ZC3H11A: variants seen among roughly 807,000 people sequenced by gnomAD.
The protein encoded by ZC3H11A is zinc finger CCCH-type containing 11A.
In ZC3H11A, 22 loss-of-function variants were observed where a neutral mutation model predicts 90.8. The ratio of observed to expected loss-of-function variants is 0.24; its 90% confidence interval spans 0.17 to 0.35. The LOEUF is 0.35. Among genes scored for constraint, ZC3H11A ranks in the 10% least tolerant of loss-of-function variants. The pLI, the probability that ZC3H11A is intolerant of heterozygous loss-of-function variation, is 1.00. For synonymous variants in ZC3H11A, 294 were observed against 339.8 expected (o/e 0.87, Z 1.48); for missense variants, 701 against 964.9 (o/e 0.73, Z 3.62).
intron 1 of ZC3H11A, chr1:203,799,400 G>A: frequency 1.4e-6 from 1 of 703,160 alleles, no homozygotes; most frequent in South Asian, 1.5e-5. Flanking sequence ...GTCAGATACT[G>A]CAAGAGTTCC....
At chr1:203,798,263 T>G (rs1295755814) in intron 1 of ZC3H11A, 1 of 1,536,022 alleles carries the variant, frequency 6.5e-7, no homozygotes, top group Non-Finnish European at 8.7e-7. Flanking sequence ...GAGGGAGATT[T>G]CTCATCAAAA....
chr1:203,799,010 T>C, intron 1 of ZC3H11A: 1 of 1,536,186 alleles, frequency 6.5e-7, no homozygotes, highest in African/African-American at 1.4e-5. Context: ...CTGACTATTT[T>C]ATTGTGACTG....
chr1:203,838,642 T>C (rs1222878542), intron 11 of ZC3H11A, among the ~76,000 whole-genome samples: 5 of 152,118 alleles, frequency 3.3e-5, no homozygotes, highest in African/African-American at 1.2e-4. Flanking sequence ...TCTAAGATAG[T>C]AACAACCCAT....
At chr1:203,839,334 GCC>G (rs1414638226) in intron 11 of ZC3H11A, among the ~76,000 whole-genome samples, 23 of 152,288 alleles carry the variant, frequency 1.5e-4, no homozygotes, top group Non-Finnish European at 2.4e-4. Context: ...GCACTATTGC[GCC>G]CCTCAGGGAA....
intron 10 of ZC3H11A, chr1:203,835,679 A>G (rs1462928159): frequency 2.0e-5 from 5 of 245,592 alleles, no homozygotes; most frequent in East Asian, 9.1e-5. Flanking sequence ...CACTGTTTCC[A>G]TGGGCTTGAG....
chr1:203,796,696 G>A, intron 1 of ZC3H11A: 1 of 370,404 alleles, frequency 2.7e-6, no homozygotes. Flanking sequence ...TCTCTATAGC[G>A]TACAACTTGT....
chr1:203,838,533 CA>C (rs1685082423), intron 11 of ZC3H11A, among the ~76,000 whole-genome samples: 1 of 152,168 alleles, frequency 6.6e-6, no homozygotes, highest in South Asian at 2.1e-4. Context: ...GTGGTATGCT[CA>C]AGGAACTGCA....
intron 4 of ZC3H11A, among the ~76,000 whole-genome samples, chr1:203,824,629 CCTT>C (rs1558118086): frequency 6.7e-6 from 1 of 148,560 alleles, no homozygotes; most frequent in African/African-American, 2.5e-5. Context: ...AGCTCTGCCT[CCTT>C]CTGATACTGT....
intron 1 of ZC3H11A, chr1:203,800,163 G>A (rs1243260278): frequency 6.5e-7 from 1 of 1,533,252 alleles, no homozygotes; most frequent in Admixed American, 2.0e-5. Flanking sequence ...GTTCTCAGGA[G>A]GTGATGACCC....
chr1:203,838,716 C>G (rs773846293), intron 11 of ZC3H11A, among the ~76,000 whole-genome samples: 5 of 151,958 alleles, frequency 3.3e-5, no homozygotes, highest in Non-Finnish European at 5.9e-5. Flanking sequence ...TTTGGGAGGC[C>G]GAGGTGGGTG....
At chr1:203,805,644 CA>C (rs765263690) in intron 2 of ZC3H11A, 2 of 700,754 alleles carry the variant, frequency 2.9e-6, no homozygotes, top group Non-Finnish European at 5.3e-6. Context: ...TGTGGCAATC[CA>C]AATTCATCCA....
At chr1:203,846,476 G>A (rs1017596333) in intron 12 of ZC3H11A, among the ~76,000 whole-genome samples, 1 of 152,028 alleles carries the variant, frequency 6.6e-6, no homozygotes, top group Non-Finnish European at 1.5e-5. Flanking sequence ...TTGTAGACAA[G>A]TGTAGGTGTT....
chr1:203,830,968 CAG>C (rs1682136755), intron 8 of ZC3H11A, among the ~76,000 whole-genome samples: 1 of 36,720 alleles, frequency 2.7e-5, no homozygotes, highest in Non-Finnish European at 4.9e-5. Context: ...TTTTTTGAGA[CAG>C]AGTTTTGCTT....
Position 203,829,633 on chromosome 1 carries a change from G to C in ZC3H11A, c.481G>C (p.Asp161His). 1 of 1,614,198 alleles carries C rather than the reference G, an allele frequency of 6.2e-7. No homozygotes were observed. The highest frequency in any genetic ancestry group is 8.5e-7 in the Non-Finnish European group (1 of 1,180,032). The change falls in exon 6 of 18, where the codon GAT (aspartate) becomes CAT (histidine). Residue 161 changes from aspartate to histidine, a missense_variant. Physicochemically the swap from Asp to His is moderately conservative, Grantham distance 81. Around this residue, in one of 4 missense-constraint regions of ZC3H11A, gnomAD observed 530 missense variants for 696.2 expected, o/e 0.76. Transcript: ENST00000367210. ...THPPVVINAA[D>H]DDEDDDDQFS... ...TCCACCAGTTGTAATTAATGCTGCA[G>C]ATGATGATGAAGATGATGATGGTAA...
chr1:203,823,994 C>T (rs1236717716), intron 4 of ZC3H11A, among the ~76,000 whole-genome samples: 2 of 152,078 alleles, frequency 1.3e-5, no homozygotes, highest in Non-Finnish European at 2.9e-5. Context: ...GGAAGCCGGG[C>T]GCCGTGGCTC....
chr1:203,843,347 G>A (rs1417946286), intron 12 of ZC3H11A, among the ~76,000 whole-genome samples: 1 of 152,076 alleles, frequency 6.6e-6, no homozygotes, highest in Admixed American at 6.6e-5. Flanking sequence ...TTTCTTTTGA[G>A]TATGACTGCC....
At chr1:203,843,360 A>G (rs1247828488) in intron 12 of ZC3H11A, among the ~76,000 whole-genome samples, 1 of 152,156 alleles carries the variant, frequency 6.6e-6, no homozygotes, top group Admixed American at 6.6e-5. Context: ...TGACTGCCCC[A>G]CATTTCTTTT....
At chr1:203,851,290 G>C (rs1689192674) in intron 17 of ZC3H11A, among the ~76,000 whole-genome samples, 166 bp downstream of exon 17, 1 of 152,080 alleles carries the variant, frequency 6.6e-6, no homozygotes, top group South Asian at 2.1e-4. Flanking sequence ...TTCTTCTTTG[G>C]TGCCATTGTT....
intron 1 of ZC3H11A, chr1:203,796,427 G>C: frequency 5.0e-6 from 2 of 399,048 alleles, no homozygotes; most frequent in Non-Finnish European, 8.8e-6. Context: ...AAGAGCAACA[G>C]GGACACTTCC....
Sources: gnomAD v4.1 joint callset for allele counts (sites outside exome capture counted in the v4.1 genomes callset) on GRCh38, gnomAD v4.1.1 for gene constraint, gnomAD v4.1.1 regional missense constraint, MANE v1.5 for transcripts, NCBI Gene and HGNC (gene_info 2026-07-23, HGNC 2026-07-21) for gene names.